The following MAPK14 variants were observed in gnomAD, a reference collection of about 807,000 sequenced individuals.
MAPK14 encodes CSAID-binding protein.
A neutral mutation model predicts 49.6 loss-of-function variants in MAPK14; 16 were observed. The observed-to-expected ratio is 0.32, with a 90% CI of 0.22 to 0.49. The LOEUF (loss-of-function observed/expected upper bound fraction) is 0.49, where lower values mean the gene tolerates loss of function less well. Ranked by LOEUF, MAPK14 falls within the 20% of genes least tolerant of loss-of-function variation. The pLI, the probability that MAPK14 is intolerant of heterozygous loss-of-function variation, is 0.99. For synonymous variants in MAPK14, 142 were observed against 158.0 expected (o/e 0.90, Z 0.76); for missense variants, 200 against 441.2 (o/e 0.45, Z 4.90).
At chr6:36,114,810 A>C (rs994584499), downstream of MAPK14, among the ~76,000 whole-genome samples, 4 of 152,198 alleles carry the variant, frequency 2.6e-5, no homozygotes, top group African/African-American at 7.2e-5. Context: ...GCCATTATCC[A>C]CAGGCAGAAA....
chr6:36,085,326 C>T lies in MAPK14; in HGVS notation c.682+8718C>T, dbSNP rs1026288116. On this transcript the variant is annotated intron_variant, in intron 8 of 11. Coordinates refer to ENST00000229794, the MANE Select transcript of MAPK14 (RefSeq NM_139012.3). ...AAATTCACACATAAAAAATATTAAC[C>T]TTAAATGTAAGTGGGCTAAATGCCC... 2.6e-5 allele frequency among the ~76,000 whole-genome samples: 4 copies of T among 152,122 alleles called. No homozygotes were observed. In the South Asian group the frequency reaches 8.3e-4, roughly 31 times the overall value.
At chr6:36,093,458 G>A (rs993151657) in intron 8 of MAPK14, among the ~76,000 whole-genome samples, 5 of 152,162 alleles carry the variant, frequency 3.3e-5, no homozygotes, top group East Asian at 1.9e-4. Context: ...GGTGGCTCAC[G>A]CCTGTAATCC....
chr6:36,096,191 T>C, intron 9 of MAPK14, 125 bp downstream of exon 9: 1 of 670,064 alleles, frequency 1.5e-6, no homozygotes, highest in East Asian at 2.6e-5. Flanking sequence ...ACTTCCCGGA[T>C]GAGTGAGGTA....
chr6:36,123,423 T>C, the MAPK14 span, among the ~76,000 whole-genome samples: 2 of 152,140 alleles, frequency 1.3e-5, no homozygotes, highest in Non-Finnish European at 2.9e-5. Flanking sequence ...CTAGGACAGA[T>C]TGTATCAGAC....
At chr6:36,073,594 A>G (rs1764395729) in intron 4 of MAPK14, 97 bp from the exon 5 acceptor site, 3 of 873,456 alleles carry the variant, frequency 3.4e-6, no homozygotes, top group Non-Finnish European at 5.6e-6. Context: ...TATTAACACT[A>G]GCAGTTCTTA....
At position 36,110,147 on chromosome 6, in the gene MAPK14, A is replaced by G. The variant is rs1765922393; in HGVS notation, c.*1700A>G. The G allele has an allele frequency of 1.3e-5, 2 of 152,122 alleles. No individual in the cohort carries two copies. Among genetic ancestry groups the G allele is most frequent in the South Asian group, 4.2e-4 (2 of 4,792 alleles). The allele number at this position is 152,122 out of a possible 1,614,324, so 9.4% of individuals were successfully genotyped here. On this transcript the variant is annotated 3_prime_UTR_variant, in exon 12 of 12. Transcript: ENST00000229794. ...ACTCATATATTTAAGCCTTTTGTGT[A>G]ATAAGAAAGTATAAAGTCACTTCCA...
intron 9 of MAPK14, among the ~76,000 whole-genome samples, chr6:36,098,302 C>T (rs1765516780): frequency 6.6e-6 from 1 of 152,064 alleles, no homozygotes; most frequent in Non-Finnish European, 1.5e-5. Flanking sequence ...GTGATGGAGG[C>T]CAAGGACAGA....
At chr6:36,115,711 C>T (rs374831656), downstream of MAPK14, among the ~76,000 whole-genome samples, 15 of 152,118 alleles carry the variant, frequency 9.9e-5, no homozygotes, top group East Asian at 2.5e-3. Context: ...GTGGATCACT[C>T]GCCATCCTGG....
intron 1 of MAPK14, among the ~76,000 whole-genome samples, chr6:36,030,133 A>G (rs1361888466): frequency 1.3e-5 from 2 of 152,200 alleles, no homozygotes; most frequent in African/African-American, 4.8e-5. Context: ...ATACAGCAGA[A>G]TAACTCAACT....
intron 8 of MAPK14, among the ~76,000 whole-genome samples, chr6:36,084,997 C>T (rs1009720414): frequency 1.3e-5 from 2 of 152,198 alleles, no homozygotes; most frequent in East Asian, 3.8e-4. Context: ...CCCTACAAGC[C>T]AGAAGAGATT....
At chr6:36,093,032 C>T (rs975040968) in intron 8 of MAPK14, among the ~76,000 whole-genome samples, 4 of 152,166 alleles carry the variant, frequency 2.6e-5, no homozygotes, top group Admixed American at 2.0e-4. Context: ...TCCAAGAAGA[C>T]TTCATGGCAG....
chr6:36,117,044 A>G, the MAPK14 span, among the ~76,000 whole-genome samples: 19 of 152,290 alleles, frequency 1.2e-4, no homozygotes, highest in Admixed American at 9.8e-4. Flanking sequence ...CATAATTTCC[A>G]TAAGGACTCC....
chr6:36,061,378 G>C (rs2145362), intron 3 of MAPK14, among the ~76,000 whole-genome samples: 16,464 of 152,202 alleles, frequency 0.11, 1,678 homozygotes, highest in East Asian at 0.51. Context: ...AAGTGTTACT[G>C]ATAGTGGTGC....
chr6:36,032,391 A>AG (rs1313002254), intron 1 of MAPK14, among the ~76,000 whole-genome samples: 1 of 152,206 alleles, frequency 6.6e-6, no homozygotes, highest in African/African-American at 2.4e-5. Context: ...ATTGTCTGTG[A>AG]GGGGAAATGA....
chr6:36,056,096 G>A (rs932243169), intron 2 of MAPK14, among the ~76,000 whole-genome samples: 10 of 151,786 alleles, frequency 6.6e-5, no homozygotes. Context: ...TTTTTTTCAG[G>A]TTACTTTATT....
chr6:36,103,404 A>G (rs374259759), intron 10 of MAPK14, among the ~76,000 whole-genome samples: 1 of 151,992 alleles, frequency 6.6e-6, no homozygotes, highest in Non-Finnish European at 1.5e-5. Flanking sequence ...CAGTGGCACA[A>G]TCATAGCTCA....
chr6:36,027,850 C>A lies in MAPK14; in HGVS notation c.-308C>A, dbSNP rs1168612466. On this transcript the variant is annotated 5_prime_UTR_variant, in exon 1 of 12. Coordinates refer to ENST00000229794, the MANE Select transcript of MAPK14 (RefSeq NM_139012.3). ...CGCAGCAGCTGGAACGGGAGTACTGCGACGCAGCCCGGAGTCGGCCTTGTA... is the reference window on the plus strand; with the variant it reads ...CGCAGCAGCTGGAACGGGAGTACTGAGACGCAGCCCGGAGTCGGCCTTGTA... 5.0e-6 allele frequency: 2 copies of A among 402,316 alleles called. No individual in the cohort carries two copies. Among genetic ancestry groups the A allele is most frequent in the Non-Finnish European group, 8.7e-6 (2 of 228,864 alleles). 24.9% of individuals were successfully genotyped at this position (402,316 alleles called of 1,614,324 possible).
chr6:36,100,150 A>C, intron 9 of MAPK14: 2 of 1,389,646 alleles, frequency 1.4e-6, no homozygotes. Context: ...TATTTTTTGC[A>C]CTGTATGTTT....
chr6:36,035,609 C>G (rs772021312), intron 1 of MAPK14, among the ~76,000 whole-genome samples: 17 of 152,232 alleles, frequency 1.1e-4, no homozygotes, highest in Non-Finnish European at 2.5e-4. Flanking sequence ...GAAAGCTAGG[C>G]TTCTTGTACC....
Sources: gnomAD v4.1 joint callset for allele counts (sites outside exome capture counted in the v4.1 genomes callset) on GRCh38, gnomAD v4.1.1 for gene constraint, MANE v1.5 for transcripts, NCBI Gene and HGNC (gene_info 2026-07-23, HGNC 2026-07-21) for gene names.